CSMD1: variants seen among roughly 807,000 people sequenced by gnomAD.
CSMD1 encodes the protein CUB and Sushi multiple domains 1, also known as CUB and sushi domain-containing protein 1.
In CSMD1, 213 loss-of-function variants were observed where a neutral mutation model predicts 417.5. That is an observed-to-expected ratio of 0.51 (90% CI 0.46 to 0.57). The LOEUF (loss-of-function observed/expected upper bound fraction) is 0.57. CSMD1 is among the 20% of genes least tolerant of loss of function. The pLI is 0.00. For synonymous variants in CSMD1, 2,862 were observed against 1,736.8 expected (o/e 1.65, Z -16.11); for missense variants, 6,923 against 4,529.7 (o/e 1.53, Z -15.17).
chr8:4,848,557 G>C (rs1009186515), intron 1 of CSMD1, among the ~76,000 whole-genome samples: 1 of 122,878 alleles, frequency 8.1e-6, no homozygotes, highest in Non-Finnish European at 1.7e-5. Context: ...TTTTTTTTTT[G>C]AGACGGAGTC....
At position 3,437,882 on chromosome 8, in the gene CSMD1, G is replaced by T. The variant is rs371896197; in HGVS notation, c.1562-28277C>A. 5.4e-4 allele frequency among the ~76,000 whole-genome samples: 82 copies of T among 152,112 alleles called. 1 individual carries two copies. The East Asian group carries it at 0.015, about 28-fold the overall frequency. On this transcript the variant is annotated intron_variant, in intron 12 of 69. Coordinates refer to ENST00000635120, the MANE Select transcript of CSMD1 (RefSeq NM_033225.6). The stretch of plus-strand genomic sequence containing the variant: ...CTTGTTTCAGCCACCCGAGTAGCTG[G>T]GATTACAGGTGTGTGTCACCAGGCC...
At chr8:4,611,085 A>G (rs1463082564) in intron 2 of CSMD1, among the ~76,000 whole-genome samples, 1 of 152,124 alleles carries the variant, frequency 6.6e-6, no homozygotes, top group Admixed American at 6.6e-5. Flanking sequence ...AGAAGACCAT[A>G]GAGAATTGCC....
chr8:4,657,546 TA>T (rs1238203185), intron 1 of CSMD1, among the ~76,000 whole-genome samples: 2 of 152,104 alleles, frequency 1.3e-5, no homozygotes, highest in South Asian at 2.1e-4. Context: ...ATAAACCTTA[TA>T]AAAATTGTTT....
chr8:4,413,279 A>C (rs1348764713), intron 3 of CSMD1, among the ~76,000 whole-genome samples: 2 of 152,152 alleles, frequency 1.3e-5, no homozygotes, highest in Non-Finnish European at 2.9e-5. Flanking sequence ...CTGATCCTCA[A>C]TGACACAGCT....
chr8:3,277,880 A>T (rs1802424389), intron 26 of CSMD1, among the ~76,000 whole-genome samples: 1 of 152,198 alleles, frequency 6.6e-6, no homozygotes, highest in African/African-American at 2.4e-5. Context: ...ACATTCCATC[A>T]TTTCTTCCCT....
At chr8:3,034,397 C>G (rs192257782) in intron 50 of CSMD1, among the ~76,000 whole-genome samples, 112 of 152,102 alleles carry the variant, frequency 7.4e-4, no homozygotes, top group Middle Eastern at 3.4e-3. Context: ...TACAGTTAGG[C>G]TGAAAAACTG....
At chr8:2,977,580 G>A (rs1264597348) in intron 55 of CSMD1, among the ~76,000 whole-genome samples, 1 of 152,068 alleles carries the variant, frequency 6.6e-6, no homozygotes, top group African/African-American at 2.4e-5. Context: ...ATGTATCATG[G>A]GATCTAACTA....
chr8:3,574,153 A>C (rs981272614), intron 10 of CSMD1, among the ~76,000 whole-genome samples: 2 of 152,264 alleles, frequency 1.3e-5, no homozygotes, highest in Non-Finnish European at 2.9e-5. Context: ...AAAGAGGAAA[A>C]CACGCTCAGA....
chr8:3,966,519 A>T (rs1812686848), intron 5 of CSMD1, among the ~76,000 whole-genome samples: 1 of 152,134 alleles, frequency 6.6e-6, no homozygotes, highest in Non-Finnish European at 1.5e-5. Context: ...AGTTCCTGGG[A>T]GAAAATTGTA....
intron 17 of CSMD1, among the ~76,000 whole-genome samples, chr8:3,395,049 G>C (rs887420162): frequency 1.3e-5 from 2 of 152,256 alleles, no homozygotes; most frequent in East Asian, 3.9e-4. Context: ...TGCTGGAGTG[G>C]GGCTCAGGGA....
intron 17 of CSMD1, among the ~76,000 whole-genome samples, chr8:3,391,256 T>C (rs1341022230): frequency 6.6e-6 from 1 of 152,234 alleles, no homozygotes; most frequent in Non-Finnish European, 1.5e-5. Flanking sequence ...AATAACATGA[T>C]ATATCAATCA....
At chr8:4,992,523 T>C (rs1033919238) in intron 1 of CSMD1, among the ~76,000 whole-genome samples, 9 of 152,040 alleles carry the variant, frequency 5.9e-5, no homozygotes, top group Non-Finnish European at 1.2e-4. Flanking sequence ...GGCAGGTGTT[T>C]CCTCTCCACG....
Position 4,066,104 on chromosome 8 carries a change from C to T in CSMD1, c.416-34005G>A, listed in dbSNP as rs9314509. 5.3e-5 allele frequency among the ~76,000 whole-genome samples: 8 copies of T among 152,068 alleles called. No individual in the cohort carries two copies. The East Asian group carries it at 1.2e-3, about 22-fold the overall frequency. On this transcript the variant is annotated intron_variant, in intron 3 of 69. Transcript: ENST00000635120. ...ACAAAACAATGAAAACAGTTCTGAG[C>T]TTCCCCTCCTGAGCCTTTGTTCAAG...
At chr8:3,492,691 A>C (rs960508945) in intron 11 of CSMD1, among the ~76,000 whole-genome samples, 3 of 152,178 alleles carry the variant, frequency 2.0e-5, no homozygotes, top group African/African-American at 7.2e-5. Context: ...CCCAGGTCAT[A>C]AGGCTGCAGA....
At chr8:3,210,368 G>A (rs371595529) in intron 30 of CSMD1, among the ~76,000 whole-genome samples, 30 of 91,732 alleles carry the variant, frequency 3.3e-4, no homozygotes. Context: ...CAGATCTTCA[G>A]ACATGGAAAC....
chr8:4,546,157 G>C lies in CSMD1; in HGVS notation c.302+91185C>G, dbSNP rs566659733. Among the ~76,000 whole-genome samples, 103 of 152,282 alleles carry C rather than the reference G, an allele frequency of 6.8e-4. 1 individual carries two copies. The highest frequency in any genetic ancestry group is 3.4e-3 in the Middle Eastern group (1 of 294). On this transcript the variant is annotated intron_variant, in intron 2 of 69. Transcript: ENST00000635120. ...GAGGCTTCTAGAATCAAAATCCAAT[G>C]AACATTTTTCAGTTTATTATGTCCT...
intron 1 of CSMD1, among the ~76,000 whole-genome samples, chr8:4,724,988 G>C (rs1323385230): frequency 6.6e-6 from 1 of 152,070 alleles, no homozygotes; most frequent in Non-Finnish European, 1.5e-5. Context: ...TAACATTTTG[G>C]TTGAGGGAAA....
chr8:3,009,953 T>G (rs1808254001), intron 52 of CSMD1, among the ~76,000 whole-genome samples: 1 of 152,204 alleles, frequency 6.6e-6, no homozygotes, highest in African/African-American at 2.4e-5. Context: ...CTTTGGGGCT[T>G]TCAGCATTCT....
In CSMD1 at chr8:4,431,794, G is replaced by A. The variant is rs7835512; in HGVS notation, c.303-11729C>T. ...GGCATGTATTAGAAATGTAGCAAAT[G>A]CTTAATAAGTTGGTAACATACACAT... On this transcript the variant is annotated intron_variant, in intron 2 of 69. Transcript: ENST00000635120. 4.8e-3 allele frequency among the ~76,000 whole-genome samples: 737 copies of A among 152,090 alleles called. 6 individuals carry two copies. Among genetic ancestry groups the A allele is most frequent in the African/African-American group, 0.017 (711 of 41,496 alleles).
Sources: gnomAD v4.1 joint callset for allele counts (sites outside exome capture counted in the v4.1 genomes callset) on GRCh38, gnomAD v4.1.1 for gene constraint, MANE v1.5 for transcripts, NCBI Gene and HGNC (gene_info 2026-07-23, HGNC 2026-07-21) for gene names.